MRRF: variants seen among roughly 807,000 people sequenced by gnomAD.
MRRF encodes the protein ribosome-recycling factor, mitochondrial.
In MRRF, 18 loss-of-function variants were observed where a neutral mutation model predicts 25.1. The ratio of observed to expected loss-of-function variants is 0.72; its 90% CI spans 0.50 to 1.06. The LOEUF (loss-of-function observed/expected upper bound fraction) is 1.06, where lower values mean the gene tolerates loss of function less well. Among genes scored for constraint, MRRF ranks in the 50% least tolerant of loss-of-function variants. The probability of loss-of-function intolerance (pLI) is 0.00; values close to 1 mark genes in which losing one functional copy is unlikely to be tolerated. For synonymous variants in MRRF, 113 were observed against 112.1 expected, an observed-to-expected ratio of 1.01 and a Z score of -0.05; for missense variants, 323 against 319.3, an observed-to-expected ratio of 1.01 and a Z score of -0.09.
intron 6 of MRRF, among the ~76,000 whole-genome samples, chr9:122,319,579 CTT>C (rs140145774): frequency 0.012 from 1,815 of 152,254 alleles, 38 homozygotes; most frequent in African/African-American, 0.041. Context: ...AGATAAAACA[CTT>C]TTGCATTCCT....
intron 5 of MRRF, among the ~76,000 whole-genome samples, chr9:122,297,980 G>A (rs1834200450): frequency 6.6e-6 from 1 of 152,172 alleles, no homozygotes; most frequent in Admixed American, 6.5e-5. Flanking sequence ...AGTGCATACT[G>A]TATTCTAGGC....
intron 6 of MRRF, among the ~76,000 whole-genome samples, chr9:122,321,787 T>C (rs1310117843): frequency 2.0e-5 from 3 of 152,132 alleles, no homozygotes; most frequent in Non-Finnish European, 4.4e-5. Flanking sequence ...CTTAATATTC[T>C]TCTTATCAAT....
intron 3 of MRRF, among the ~76,000 whole-genome samples, chr9:122,284,920 T>C (rs1342579057): frequency 6.6e-6 from 1 of 152,128 alleles, no homozygotes; most frequent in Non-Finnish European, 1.5e-5. Context: ...GCTGAGTAGC[T>C]CATCTTCCAG....
chr9:122,274,395 G>A lies in MRRF; in HGVS notation c.184+3320G>A, dbSNP rs564575921. Among the ~76,000 whole-genome samples the A allele has an allele frequency of 4.5e-4, 69 of 152,318 alleles. 1 individual carries two copies. The South Asian group carries it at 0.01, about 23-fold the overall frequency. ...ATTTAGGCCAGGCACGATGGCTCAC[G>A]TCTGTAATCCCAGGACTTTGGGAGG... is the stretch of plus-strand genomic sequence containing the variant. On this transcript the variant is annotated intron_variant, in intron 2 of 6. Coordinates refer to ENST00000344641, the MANE Select transcript of MRRF (RefSeq NM_138777.5).
intron 5 of MRRF, among the ~76,000 whole-genome samples, chr9:122,299,370 C>G (rs1043642900): frequency 1.3e-5 from 2 of 151,830 alleles, no homozygotes; most frequent in Non-Finnish European, 2.9e-5. Context: ...CCATTTCAGC[C>G]TCCCAAAGTG....
intron 6 of MRRF, among the ~76,000 whole-genome samples, chr9:122,315,685 C>G (rs1835470903): frequency 6.6e-6 from 1 of 152,082 alleles, no homozygotes; most frequent in African/African-American, 2.4e-5. Flanking sequence ...CTGGCTCCAG[C>G]TGGGCCGGCT....
chr9:122,293,285 T>A (rs1395114276), intron 5 of MRRF, among the ~76,000 whole-genome samples: 1 of 152,252 alleles, frequency 6.6e-6, no homozygotes, highest in African/African-American at 2.4e-5. Context: ...CTGTATTCCT[T>A]TACATATATT....
At chr9:122,280,871 C>T (rs1833060607) in intron 3 of MRRF, among the ~76,000 whole-genome samples, 1 of 152,192 alleles carries the variant, frequency 6.6e-6, no homozygotes, top group Admixed American at 6.5e-5. Flanking sequence ...TTTTTGTCTA[C>T]TTTGGAACTA....
At chr9:122,285,773 T>C (rs1833357769) in intron 4 of MRRF, 3 of 1,266,838 alleles carry the variant, frequency 2.4e-6, no homozygotes, top group Non-Finnish European at 3.1e-6. Flanking sequence ...GAGTTTTTTT[T>C]TTAAAGACTA....
chr9:122,293,125 G>T (rs923672764), intron 5 of MRRF, among the ~76,000 whole-genome samples: 3 of 152,232 alleles, frequency 2.0e-5, no homozygotes. Context: ...AAAGTAAGGG[G>T]ATAGGGAGAT....
intron 5 of MRRF, among the ~76,000 whole-genome samples, chr9:122,292,176 C>T (rs1833815658): frequency 6.6e-6 from 1 of 152,154 alleles, no homozygotes; most frequent in Non-Finnish European, 1.5e-5. Context: ...TAGAGAGTGA[C>T]TTGGTAAGGA....
At chr9:122,279,769 C>T (rs1832984409) in intron 2 of MRRF, among the ~76,000 whole-genome samples, 1 of 152,150 alleles carries the variant, frequency 6.6e-6, no homozygotes, top group Non-Finnish European at 1.5e-5. Context: ...CTGTAAACTA[C>T]TATTGTTCCT....
chr9:122,326,156 G>C lies in MRRF; in HGVS notation c.*3539G>C, dbSNP rs189159271. ...GGAGTCTTGCTCTGTCGCCCACGCT[G>C]GAGTGCATTGGCGCAATCTCGGCTC... On this transcript the variant is annotated 3_prime_UTR_variant, in exon 7 of 7. Coordinates refer to ENST00000344641, the MANE Select transcript of MRRF (RefSeq NM_138777.5). 1 of 142,786 alleles carries C rather than the reference G, an allele frequency of 7.0e-6. No individual in the cohort carries two copies. Among genetic ancestry groups the C allele is most frequent in the East Asian group, 2.1e-4 (1 of 4,812 alleles). The allele number at this position is 142,786 out of a possible 1,614,324, so 8.8% of individuals were successfully genotyped here. A position where few individuals can be genotyped will look rare whatever the true frequency, so the allele number is the denominator to read the frequency against.
chr9:122,302,978 G>T (rs1158323416), intron 5 of MRRF, among the ~76,000 whole-genome samples: 2 of 152,062 alleles, frequency 1.3e-5, no homozygotes, highest in African/African-American at 2.4e-5. Context: ...TCATGTGCTT[G>T]TTGGCCATTT....
intron 2 of MRRF, among the ~76,000 whole-genome samples, chr9:122,273,221 G>A (rs751604076): frequency 6.6e-5 from 10 of 152,144 alleles, no homozygotes; most frequent in Non-Finnish European, 1.3e-4. Flanking sequence ...GGAGGCCAAG[G>A]TGGTTGGATT....
intron 2 of MRRF, 104 bp downstream of exon 2, chr9:122,271,179 A>G (rs1832435892): frequency 1.0e-6 from 1 of 991,064 alleles, no homozygotes; most frequent in East Asian, 2.4e-5. Flanking sequence ...TCCCCTTGCT[A>G]ACATGAGGAA....
At position 122,285,227 on chromosome 9, in the gene MRRF, T is replaced by A; in HGVS notation, c.399T>A (p.Ile133=). The change falls in exon 4 of 7, where the codon ATT becomes ATA. Residue 133 remains isoleucine (I), a synonymous_variant. Transcript: ENST00000344641. The part of the protein sequence containing the change: ...TADGKLALNQ[I]SQISMKSPQL... ...ACGGGAAGCTTGCTTTAAACCAGAT[T>A]AGCCAGATCTCCATGAAGTCGCCAC... 6.2e-7 allele frequency: 1 copy of A among 1,614,036 alleles called. No individual in the cohort carries two copies. The highest frequency in any genetic ancestry group is 1.3e-5 in the African/African-American group (1 of 75,006).
At chr9:122,274,533 GGTGTGTGTGTGTGTGTGTGTGT>G (rs765131163) in intron 2 of MRRF, among the ~76,000 whole-genome samples, 1 of 140,562 alleles carries the variant, frequency 7.1e-6, no homozygotes, top group Non-Finnish European at 1.5e-5. Context: ...ATATGAATCT[GGTGTGTGTGTGTGTGTGTGTGT>G]GTGTGTGTGT....
rs1424842326 is a variant in MRRF at position 122,325,532 on chromosome 9, T to C, written c.*2915T>C. The C allele has an allele frequency of 6.6e-6, 1 of 152,134 alleles. No homozygotes were observed. Among genetic ancestry groups the C allele is most frequent in the African/African-American group, 2.4e-5 (1 of 41,420 alleles). The allele number at this position is 152,134 out of a possible 1,614,324, so 9.4% of individuals were successfully genotyped here. A position where few individuals can be genotyped will look rare whatever the true frequency, so the allele number is the denominator to read the frequency against. On this transcript the variant is annotated 3_prime_UTR_variant, in exon 7 of 7. Transcript: ENST00000344641. The stretch of plus-strand genomic sequence containing the variant: ...CACTGGGTATGGAAATTCTCACACT[T>C]GCCAGAAGAATTAACCACCTCTTCT...
Sources: allele counts gnomAD v4.1 joint callset (sites outside exome capture counted in the v4.1 genomes callset), GRCh38; gene constraint gnomAD v4.1.1; transcripts MANE v1.5; gene names NCBI Gene and HGNC (gene_info 2026-07-23, HGNC 2026-07-21).